Variants in ZNF592 observed in about 807,000 individuals in gnomAD.
ZNF592 encodes the protein zinc finger protein 592.
ZNF592 carries 11 observed loss-of-function variants against 80.3 expected under a neutral mutation model. The observed-to-expected ratio is 0.14, with a 90% CI of 0.09 to 0.23. ZNF592 has a LOEUF of 0.23. ZNF592 is among the 10% of genes least tolerant of loss of function. ZNF592 has a pLI of 1.00. For synonymous variants in ZNF592, 646 were observed against 640.3 expected (o/e 1.01, Z -0.13); for missense variants, 1,420 against 1,633.9 (o/e 0.87, Z 2.26).
In ZNF592 at chr15:84,782,945, C is replaced by G; in HGVS notation, c.270C>G (p.Leu90=). ...AGAAAGACCACATTACTCCCAGTCT[C>G]CTACACAATGGATTCCGGGGCTCAG... ...EAEKDHITPS[L]LHNGFRGSDL... is the part of the protein sequence containing the mutation. The change falls in exon 4 of 11, where the codon CTC becomes CTG. Residue 90 remains leucine, a synonymous_variant. Coordinates refer to ENST00000560079, the MANE Select transcript of ZNF592 (RefSeq NM_014630.3). 6.2e-7 allele frequency: 1 copy of G among 1,614,214 alleles called. No individual in the cohort carries two copies. Among genetic ancestry groups the G allele is most frequent in the Non-Finnish European group, 8.5e-7 (1 of 1,180,038 alleles).
rs773982590 is a variant in ZNF592 at position 84,802,346 on chromosome 15, C to T, written c.3757C>T (p.Gln1253Ter). The T allele has an allele frequency of 6.8e-6, 11 of 1,613,796 alleles. No homozygotes were observed. Among genetic ancestry groups the T allele is most frequent in the Non-Finnish European group, 9.3e-6 (11 of 1,180,046 alleles). ...TGGCCACAATGATCACAGTCAACCA[C>T]AGGCCTCTCAGGACCAGGACAGCCA... ...DGGHNDHSQP[Q>*]ASQDQDSHTL... Residue 1253 changes from glutamine to a stop codon, truncating the protein, a stop_gained, in exon 11 of 11, where the codon CAG (glutamine) becomes TAG (stop). Transcript: ENST00000560079. LOFTEE classifies it high-confidence loss of function.
intron 2 of ZNF592, among the ~76,000 whole-genome samples, chr15:84,773,445 T>C (rs951294242): frequency 6.6e-6 from 1 of 152,084 alleles, no homozygotes; most frequent in African/African-American, 2.4e-5. Context: ...TCTCCTGACC[T>C]CGTGATCCAC....
Position 84,782,691 on chromosome 15 carries a change from A to C in ZNF592, c.16A>C (p.Thr6Pro). The C allele has an allele frequency of 6.2e-7, 1 of 1,613,284 alleles. No individual in the cohort carries two copies. Among genetic ancestry groups the C allele is most frequent in the Non-Finnish European group, 8.5e-7 (1 of 1,179,846 alleles). ...GCATCCAGCCATGGGGGATATGAAA[A>C]CCCCAGATTTTGATGACCTTCTGGC... The part of the protein sequence containing the change: MGDMK[T>P]PDFDDLLAAF... The change falls in exon 4 of 11, where the codon ACC becomes CCC. Residue 6 changes from threonine to proline, a missense_variant. Transcript: ENST00000560079.
intron 2 of ZNF592, among the ~76,000 whole-genome samples, chr15:84,777,904 G>T (rs1384146076): frequency 6.6e-6 from 1 of 151,970 alleles, no homozygotes; most frequent in Non-Finnish European, 1.5e-5. Context: ...GTTTCACCGT[G>T]TTAGCCAGGA....
Position 84,790,101 on chromosome 15 carries a change from C to T in ZNF592, c.2221-604C>T, listed in dbSNP as rs560201978. ...CCCGCCACCCATCCCACCCCCCAAC[C>T]CCCACCCCCGCAACTCTCCTAACCT... On this transcript the variant is annotated intron_variant, in intron 4 of 10. Coordinates refer to ENST00000560079, the MANE Select transcript of ZNF592 (RefSeq NM_014630.3). Among the ~76,000 whole-genome samples the T allele has an allele frequency of 2.1e-5, 3 of 144,662 alleles. No individual in the cohort carries two copies. The South Asian group carries it at 6.8e-4, about 33-fold the overall frequency. The allele number at this position is 144,662 out of a possible 152,430, so 94.9% of individuals were successfully genotyped here.
At chr15:84,767,425 C>T (rs1899561991) in intron 2 of ZNF592, among the ~76,000 whole-genome samples, 1 of 152,128 alleles carries the variant, frequency 6.6e-6, no homozygotes, top group Non-Finnish European at 1.5e-5. Context: ...GTCCCCACTA[C>T]CAAGAGATGA....
At chr15:84,797,767 A>G (rs1404614161) in intron 5 of ZNF592, 102 bp from the exon 6 acceptor site, 14 of 1,355,592 alleles carry the variant, frequency 1.0e-5, no homozygotes, top group South Asian at 2.4e-5. Context: ...AGGTGCCTGG[A>G]TAGTTCTGTT....
intron 2 of ZNF592, among the ~76,000 whole-genome samples, chr15:84,769,456 G>A (rs1208416163): frequency 6.6e-6 from 1 of 151,754 alleles, no homozygotes; most frequent in African/African-American, 2.4e-5. Context: ...AGTGACATTG[G>A]ATTAAAGGCC....
At position 84,784,711 on chromosome 15, in the gene ZNF592, C is replaced by A. The variant is rs1962538452; in HGVS notation, c.2036C>A (p.Ser679Tyr). The change falls in exon 4 of 11, where the codon TCC becomes TAC. Residue 679 changes from serine (S) to tyrosine (Y), a missense_variant. By Grantham distance (144) the Ser-to-Tyr change is moderately radical (BLOSUM62 -2). This residue lies in a region of ZNF592 where 524 missense variants were observed against 628.3 expected (regional missense o/e 0.83). Coordinates refer to ENST00000560079, the MANE Select transcript of ZNF592 (RefSeq NM_014630.3). The surrounding 1 kb of genome is among the most constrained non-coding windows in gnomAD (Gnocchi z 5.8). ...STAPAAPAPS[S>Y]SPKHGLTSGS... Reference sequence around the variant, plus strand: ...GCACCAGCAGCCCCAGCCCCTTCATCCTCTCCCAAACATGGCCTCACTTCG... The same window carrying A: ...GCACCAGCAGCCCCAGCCCCTTCATACTCTCCCAAACATGGCCTCACTTCG... 2 of 1,614,110 alleles carry A rather than the reference C, an allele frequency of 1.2e-6. No homozygotes were observed. Among genetic ancestry groups the A allele is most frequent in the African/African-American group, 1.3e-5 (1 of 75,044 alleles).
Position 84,783,813 on chromosome 15 carries a change from A to G in ZNF592, c.1138A>G (p.Ile380Val). ...AATTCCCAAAGTGAGAATCAAAACCATTAAGACATCATCAGGGGAAATCAA... is the reference window on the plus strand; with the variant it reads ...AATTCCCAAAGTGAGAATCAAAACCGTTAAGACATCATCAGGGGAAATCAA... ...PAIPKVRIKT[I>V]KTSSGEIKRT... Residue 380 changes from isoleucine (I) to valine (V), a missense_variant, in exon 4 of 11, where the codon ATT (isoleucine) becomes GTT (valine). Ile to Val is a conservative substitution (Grantham distance 29, BLOSUM62 3). Transcript: ENST00000560079. The surrounding 1 kb of genome is among the most constrained non-coding windows in gnomAD (Gnocchi z 5.0). 1 of 1,614,198 alleles carries G rather than the reference A, an allele frequency of 6.2e-7. No homozygotes were observed. The highest frequency in any genetic ancestry group is 1.1e-5 in the South Asian group (1 of 91,080).
chr15:84,769,307 G>A (rs1899630356), intron 2 of ZNF592, among the ~76,000 whole-genome samples: 1 of 152,022 alleles, frequency 6.6e-6, no homozygotes, highest in African/African-American at 2.4e-5. Flanking sequence ...AAGACAAGAA[G>A]GTAATGAACA....
intron 2 of ZNF592, among the ~76,000 whole-genome samples, chr15:84,776,341 C>T (rs935645073): frequency 2.0e-5 from 3 of 152,404 alleles, no homozygotes; most frequent in East Asian, 1.9e-4. Flanking sequence ...GTTATAGATA[C>T]TGGTGTATGC....
chr15:84,778,374 T>C, intron 3 of ZNF592, 62 bp downstream of exon 3: 1 of 165,290 alleles, frequency 6.0e-6, no homozygotes, highest in South Asian at 1.1e-4. Context: ...GGGATTGGTT[T>C]GACTAGGCAT....
At chr15:84,768,228 T>G (rs1899590904) in intron 2 of ZNF592, among the ~76,000 whole-genome samples, 2 of 145,792 alleles carry the variant, frequency 1.4e-5, no homozygotes, top group South Asian at 2.1e-4. Context: ...CTTTCTTTCT[T>G]TCTTTTTTTT....
intron 5 of ZNF592, among the ~76,000 whole-genome samples, chr15:84,794,082 G>A (rs897075855): frequency 3.3e-5 from 5 of 152,098 alleles, no homozygotes; most frequent in African/African-American, 9.7e-5. Context: ...CACACACTGG[G>A]GCCTGTCAGC....
At chr15:84,754,987 G>T (rs1337492346) in intron 1 of ZNF592, among the ~76,000 whole-genome samples, 2 of 136,964 alleles carry the variant, frequency 1.5e-5, no homozygotes, top group Non-Finnish European at 3.1e-5. Context: ...TTTTTTCATG[G>T]CAGAGTGTCA....
intron 1 of ZNF592, 109 bp from the exon 2 acceptor site, chr15:84,764,598 T>C: frequency 2.6e-6 from 1 of 391,288 alleles, no homozygotes. Context: ...TCTCAGGGTC[T>C]TACTTACACT....
At chr15:84,777,977 C>T (rs894200816) in intron 2 of ZNF592, among the ~76,000 whole-genome samples, 2 of 152,048 alleles carry the variant, frequency 1.3e-5, no homozygotes, top group South Asian at 2.1e-4. Context: ...GGATTACAGG[C>T]GTGAGCCACC....
chr15:84,774,630 A>C (rs1962188692), intron 2 of ZNF592, among the ~76,000 whole-genome samples: 1 of 152,242 alleles, frequency 6.6e-6, no homozygotes, highest in Non-Finnish European at 1.5e-5. Context: ...GCACACAGAC[A>C]ACATACATTC....
Sources: allele counts gnomAD v4.1 joint callset (sites outside exome capture counted in the v4.1 genomes callset), GRCh38; gene constraint gnomAD v4.1.1; regional missense constraint gnomAD v4.1.1; non-coding constraint Gnocchi (gnomAD v3.1); transcripts MANE v1.5; gene names NCBI Gene and HGNC (gene_info 2026-07-23, HGNC 2026-07-21).